Variants in RBMS3 observed in about 807,000 individuals in gnomAD.
RBMS3 encodes RNA binding motif single stranded interacting protein 3.
Under a neutral mutation model 66.8 loss-of-function variants are expected in RBMS3, and 27 were observed. The ratio of observed to expected loss-of-function variants is 0.40; its 90% CI spans 0.30 to 0.56. The LOEUF (loss-of-function observed/expected upper bound fraction) is 0.56, where lower values mean the gene tolerates loss of function less well. Among genes scored for constraint, RBMS3 ranks in the 20% least tolerant of loss-of-function variants. The probability of loss-of-function intolerance (pLI) is 0.40; values close to 1 mark genes in which losing one functional copy is unlikely to be tolerated. For synonymous variants in RBMS3, 188 were observed against 183.0 expected (o/e 1.03, Z -0.22); for missense variants, 513 against 549.5 (o/e 0.93, Z 0.66).
intron 1 of RBMS3, among the ~76,000 whole-genome samples, chr3:29,416,066 C>T (rs1241245125): frequency 6.6e-6 from 1 of 152,136 alleles, no homozygotes; most frequent in East Asian, 1.9e-4. Context: ...TAGAATTAAA[C>T]ATCTGTTGCT....
intron 12 of RBMS3, among the ~76,000 whole-genome samples, chr3:29,945,773 T>C (rs968389663): frequency 6.6e-6 from 1 of 151,718 alleles, no homozygotes; most frequent in African/African-American, 2.4e-5. Flanking sequence ...CGTAAGTCAA[T>C]TGAGGCAGAA....
intron 1 of RBMS3, among the ~76,000 whole-genome samples, chr3:29,360,800 A>C (rs940668483): frequency 6.6e-6 from 1 of 152,016 alleles, no homozygotes; most frequent in East Asian, 1.9e-4. Flanking sequence ...ACCATTATGT[A>C]ATGGCCTTCT....
At chr3:29,807,114 G>GTA (rs1387152720) in intron 6 of RBMS3, among the ~76,000 whole-genome samples, 1 of 151,858 alleles carries the variant, frequency 6.6e-6, no homozygotes, top group Non-Finnish European at 1.5e-5. Context: ...GAAAAAACAT[G>GTA]ACGGGGCTGT....
At chr3:29,992,274 C>T (rs929260207) in intron 14 of RBMS3, among the ~76,000 whole-genome samples, 3 of 151,918 alleles carry the variant, frequency 2.0e-5, no homozygotes, top group Non-Finnish European at 2.9e-5. Flanking sequence ...AAAGTAATTG[C>T]GGTTTTTGCC....
chr3:29,492,715 G>A (rs1466086829), intron 3 of RBMS3, among the ~76,000 whole-genome samples: 2 of 152,064 alleles, frequency 1.3e-5, no homozygotes, highest in African/African-American at 4.8e-5. Flanking sequence ...TGGGAGGAAG[G>A]ATATGGGAGA....
rs190719999 is a variant in RBMS3, at chr3:29,576,120, T to C, written c.308-10994T>C. ...AGGTATTTATTGTTGTGTTCATGGT[T>C]TGGGCTTGTTTGTGCCCATCCTTCT... On this transcript the variant is annotated intron_variant, in intron 3 of 14. Transcript: ENST00000383767. Among the ~76,000 whole-genome samples, 4 of 152,200 alleles carry C rather than the reference T, an allele frequency of 2.6e-5. No individual in the cohort carries two copies. The East Asian group carries it at 5.8e-4, about 22-fold the overall frequency.
intron 5 of RBMS3, among the ~76,000 whole-genome samples, chr3:29,749,806 C>G (rs572086026): frequency 6.6e-6 from 1 of 152,270 alleles, no homozygotes; most frequent in East Asian, 1.9e-4. Flanking sequence ...AAAAATATGC[C>G]ATTCCAATAA....
At chr3:29,639,262 T>C (rs535870942) in intron 4 of RBMS3, among the ~76,000 whole-genome samples, 1 of 151,970 alleles carries the variant, frequency 6.6e-6, no homozygotes, top group South Asian at 2.1e-4. Context: ...CTTTCATGTC[T>C]AAGGGAAAGG....
At chr3:29,427,688 T>A (rs1394537268) in intron 1 of RBMS3, among the ~76,000 whole-genome samples, 1 of 152,144 alleles carries the variant, frequency 6.6e-6, no homozygotes, top group East Asian at 1.9e-4. Context: ...GGCTTTACCC[T>A]TGAGTGGATA....
chr3:29,955,226 G>A (rs1051098572), intron 12 of RBMS3, among the ~76,000 whole-genome samples: 2 of 151,850 alleles, frequency 1.3e-5, no homozygotes, highest in African/African-American at 2.4e-5. Context: ...AGCTAACATC[G>A]AAGTGAAGGG....
chr3:29,562,900 C>T (rs2046607020), intron 3 of RBMS3, among the ~76,000 whole-genome samples: 1 of 152,076 alleles, frequency 6.6e-6, no homozygotes, highest in Non-Finnish European at 1.5e-5. Flanking sequence ...GAAATATCAA[C>T]ATTTCTAGAT....
chr3:29,304,904 G>A (rs566354044), intron 1 of RBMS3, among the ~76,000 whole-genome samples: 4 of 151,978 alleles, frequency 2.6e-5, no homozygotes, highest in Middle Eastern at 3.4e-3. Flanking sequence ...TTGACTGTGT[G>A]TTCTTGATTT....
intron 4 of RBMS3, among the ~76,000 whole-genome samples, chr3:29,709,819 C>T (rs1049818180): frequency 2.6e-5 from 4 of 152,118 alleles, no homozygotes; most frequent in Admixed American, 2.0e-4. Flanking sequence ...TTTAATTCTT[C>T]CTCTAAGAAA....
chr3:29,594,338 C>A (rs1294647449), intron 4 of RBMS3, among the ~76,000 whole-genome samples: 1 of 151,996 alleles, frequency 6.6e-6, no homozygotes, highest in Non-Finnish European at 1.5e-5. Context: ...TTCTTCAAAT[C>A]GTGTTGTTCT....
intron 2 of RBMS3, among the ~76,000 whole-genome samples, chr3:29,463,487 C>G (rs2042435917): frequency 6.6e-6 from 1 of 152,062 alleles, no homozygotes; most frequent in African/African-American, 2.4e-5. Flanking sequence ...TAGAATCTCG[C>G]CATTGCTCCC....
At chr3:29,682,474 CT>C (rs1455443821) in intron 4 of RBMS3, among the ~76,000 whole-genome samples, 1 of 152,164 alleles carries the variant, frequency 6.6e-6, no homozygotes, top group Non-Finnish European at 1.5e-5. Context: ...TTTAAACAAG[CT>C]CTGATTCATT....
At chr3:29,506,330 G>T (rs1161352666) in intron 3 of RBMS3, among the ~76,000 whole-genome samples, 1 of 151,912 alleles carries the variant, frequency 6.6e-6, no homozygotes, top group Non-Finnish European at 1.5e-5. Context: ...CAACTATTGA[G>T]ATTATCATAT....
intron 4 of RBMS3, among the ~76,000 whole-genome samples, chr3:29,663,151 T>G (rs1359090857): frequency 6.6e-6 from 1 of 152,216 alleles, no homozygotes; most frequent in Admixed American, 6.5e-5. Flanking sequence ...TGTGTGAAAT[T>G]AATGTTGCCT....
chr3:29,349,963 C>T (rs753547169), intron 1 of RBMS3, among the ~76,000 whole-genome samples: 1 of 151,920 alleles, frequency 6.6e-6, no homozygotes, highest in Non-Finnish European at 1.5e-5. Context: ...AGTTCGAGAC[C>T]AGCCTGACCA....
Sources: gnomAD v4.1 joint callset for allele counts (sites outside exome capture counted in the v4.1 genomes callset) on GRCh38, gnomAD v4.1.1 for gene constraint, MANE v1.5 for transcripts, NCBI Gene and HGNC (gene_info 2026-07-23, HGNC 2026-07-21) for gene names.